Variants in ADAM7 observed in about 807,000 individuals in gnomAD.
ADAM7 encodes ADAM metallopeptidase domain 7.
ADAM7 carries 97 observed loss-of-function variants against 102.9 expected under a neutral mutation model. The observed-to-expected ratio is 0.94, with a 90% confidence interval of 0.80 to 1.12. The LOEUF (loss-of-function observed/expected upper bound fraction) is 1.12. Ranked by LOEUF, ADAM7 falls within the 50% of genes most tolerant of loss-of-function variation. The pLI is 0.00. For synonymous variants in ADAM7, 334 were observed against 304.4 expected (o/e 1.10, Z -1.01); for missense variants, 991 against 908.7 (o/e 1.09, Z -1.16).
chr8:24,455,410 T>C (rs1358680130), intron 3 of ADAM7, among the ~76,000 whole-genome samples: 1 of 152,344 alleles, frequency 6.6e-6, no homozygotes, highest in East Asian at 1.9e-4. Flanking sequence ...GTATTTGTTT[T>C]TGTTTGTTTT....
intron 8 of ADAM7, 105 bp from the exon 9 acceptor site, chr8:24,482,037 C>A: frequency 2.4e-6 from 2 of 833,976 alleles, no homozygotes; most frequent in Non-Finnish European, 3.6e-6. Flanking sequence ...ATGTACCTCA[C>A]AAGTTCAAAT....
intron 11 of ADAM7, among the ~76,000 whole-genome samples, chr8:24,487,932 C>T (rs1298135701): frequency 2.0e-5 from 3 of 152,086 alleles, no homozygotes; most frequent in Non-Finnish European, 2.9e-5. Flanking sequence ...CTCTACATGC[C>T]TTGTTTTGTC....
chr8:24,458,757 G>C (rs959426073), intron 3 of ADAM7, among the ~76,000 whole-genome samples: 2 of 152,048 alleles, frequency 1.3e-5, no homozygotes, highest in African/African-American at 4.8e-5. Context: ...AGTATTAAAT[G>C]ATTAATATGA....
intron 12 of ADAM7, among the ~76,000 whole-genome samples, chr8:24,489,947 G>A (rs887758991): frequency 1.2e-4 from 19 of 152,272 alleles, no homozygotes; most frequent in African/African-American, 3.6e-4. Context: ...ATTAATAAGT[G>A]CAGATGAATC....
At position 24,479,505 on chromosome 8, in the gene ADAM7, T is replaced by C. The variant is rs544267417; in HGVS notation, c.706-2637T>C. Among the ~76,000 whole-genome samples the C allele has an allele frequency of 3.3e-5, 5 of 152,292 alleles. No homozygotes were observed. The South Asian group carries it at 8.3e-4, about 25-fold the overall frequency. ...GAGGGAAAGAGTTCGGTAGATTTTA[T>C]AATTTTTTGCAAAACAGCAATTCTC... On this transcript the variant is annotated intron_variant, in intron 8 of 21. Coordinates refer to ENST00000175238, the MANE Select transcript of ADAM7 (RefSeq NM_003817.4).
chr8:24,499,412 A>AT (rs1209244237), intron 17 of ADAM7, 96 bp downstream of exon 17: 1 of 864,062 alleles, frequency 1.2e-6, no homozygotes, highest in Admixed American at 3.4e-5. Context: ...GTATATATGT[A>AT]TTTTTGCTGC....
At chr8:24,501,328 AT>A (rs1326566175) in intron 19 of ADAM7, 148 bp from the exon 20 acceptor site, 1 of 557,364 alleles carries the variant, frequency 1.8e-6, no homozygotes, top group Non-Finnish European at 3.0e-6. Flanking sequence ...ATTAGACAAT[AT>A]AAAAAAGCAT....
chr8:24,464,056 A>G, intron 4 of ADAM7, 96 bp downstream of exon 4: 3 of 1,067,842 alleles, frequency 2.8e-6, no homozygotes, highest in South Asian at 2.8e-5. Context: ...TGTTTCAGAA[A>G]GTACTACATC....
chr8:24,457,050 C>A (rs1819060193), intron 3 of ADAM7, among the ~76,000 whole-genome samples: 1 of 152,128 alleles, frequency 6.6e-6, no homozygotes, highest in Non-Finnish European at 1.5e-5. Context: ...AGGTGTTTGT[C>A]AAATTTTAGT....
intron 16 of ADAM7, among the ~76,000 whole-genome samples, chr8:24,497,497 A>G (rs544403872): frequency 2.6e-5 from 4 of 152,224 alleles, no homozygotes; most frequent in African/African-American, 9.6e-5. Flanking sequence ...TATTACAAAA[A>G]AAATCAGTAA....
Position 24,494,839 on chromosome 8 carries a change from C to A in ADAM7, c.1842+1610C>A, listed in dbSNP as rs146236034. On this transcript the variant is annotated intron_variant, in intron 16 of 21. Transcript: ENST00000175238. ...AAGGACAAGAAAAGGAGTAGGCTAA[C>A]GAGATGGAAAACATTTTGGTAATAA... Among the ~76,000 whole-genome samples, 38 of 152,264 alleles carry A rather than the reference C, an allele frequency of 2.5e-4. 3 individuals are homozygous for A. The South Asian group carries it at 7.5e-3, about 30-fold the overall frequency.
chr8:24,480,723 TTC>T (rs1819920352), intron 8 of ADAM7, among the ~76,000 whole-genome samples: 1 of 152,088 alleles, frequency 6.6e-6, no homozygotes, highest in African/African-American at 2.4e-5. Context: ...AGTACTTGAT[TTC>T]TAAAGTTTAC....
At chr8:24,480,036 C>T (rs769117142) in intron 8 of ADAM7, among the ~76,000 whole-genome samples, 19 of 152,132 alleles carry the variant, frequency 1.2e-4, no homozygotes, top group Admixed American at 2.6e-4. Context: ...TTGAAAATTT[C>T]CCCCATGCCT....
At chr8:24,502,440 AG>A (rs1820794844) in intron 20 of ADAM7, among the ~76,000 whole-genome samples, 2 of 152,190 alleles carry the variant, frequency 1.3e-5, no homozygotes, top group South Asian at 4.1e-4. Context: ...CTAATGAAAT[AG>A]AAAACAGAAA....
chr8:24,457,475 C>T (rs11781827), intron 3 of ADAM7, among the ~76,000 whole-genome samples: 9,823 of 152,050 alleles, frequency 0.065, 483 homozygotes, highest in African/African-American at 0.13. Flanking sequence ...GGGGTTTCAC[C>T]GTGTTGGGCA....
intron 9 of ADAM7, among the ~76,000 whole-genome samples, chr8:24,483,185 G>T (rs540866929): frequency 6.6e-6 from 1 of 152,084 alleles, no homozygotes; most frequent in Non-Finnish European, 1.5e-5. Flanking sequence ...TTAAAAAGGG[G>T]ACCATTTTTA....
At chr8:24,487,113 C>G in intron 10 of ADAM7, 74 bp from the exon 11 acceptor site, 1 of 1,460,868 alleles carries the variant, frequency 6.8e-7, no homozygotes, top group Non-Finnish European at 9.2e-7. Flanking sequence ...GGTCTTTCAA[C>G]CACTAGTTTG....
intron 16 of ADAM7, among the ~76,000 whole-genome samples, chr8:24,498,286 A>G (rs1820627820): frequency 6.6e-6 from 1 of 151,728 alleles, no homozygotes; most frequent in Non-Finnish European, 1.5e-5. Context: ...CAAAAACTTG[A>G]ATTGAGAGAA....
intron 16 of ADAM7, among the ~76,000 whole-genome samples, chr8:24,498,878 A>G (rs1460637663): frequency 2.0e-5 from 3 of 152,000 alleles, no homozygotes; most frequent in African/African-American, 4.8e-5. Context: ...ACCAAAAGAA[A>G]AACTTCATTG....
Sources: allele counts gnomAD v4.1 joint callset (sites outside exome capture counted in the v4.1 genomes callset), GRCh38; gene constraint gnomAD v4.1.1; transcripts MANE v1.5; gene names NCBI Gene and HGNC (gene_info 2026-07-23, HGNC 2026-07-21).